The following TDO2 variants were observed in gnomAD, a reference collection of about 807,000 sequenced individuals.
TDO2 encodes the protein tryptophan 2,3-dioxygenase.
TDO2 carries 63 observed loss-of-function variants against 61.2 expected under a neutral mutation model. The ratio of observed to expected loss-of-function variants is 1.03; its 90% confidence interval spans 0.84 to 1.27. The LOEUF (loss-of-function observed/expected upper bound fraction) is 1.27. Among genes scored for constraint, TDO2 ranks in the 50% most tolerant of loss-of-function variants. TDO2 has a pLI of 0.00. For missense variants in TDO2, 494 were observed against 469.5 expected, an observed-to-expected ratio of 1.05 and a Z score of -0.48; for synonymous variants, 183 against 164.0, an observed-to-expected ratio of 1.12 and a Z score of -0.89.
Position 155,917,436 on chromosome 4 carries a change from C to T in TDO2, c.938C>T (p.Ser313Phe), listed in dbSNP as rs772073395. 2 of 1,611,350 alleles carry T rather than the reference C, an allele frequency of 1.2e-6. No homozygotes were observed. The highest frequency in any genetic ancestry group is 1.7e-6 in the Non-Finnish European group (2 of 1,178,992). The part of the protein sequence containing the change: ...RFQVPFQLLT[S>F]LMDIDSLMTK... ...CAGGTGCCTTTTCAGTTGCTGACTT[C>T]TCTTATGGACATAGATTCACTGATG... is the stretch of plus-strand genomic sequence containing the variant. The change falls in exon 10 of 12, where the codon TCT becomes TTT. Residue 313 changes from serine (S) to phenylalanine (F), a missense_variant. Physicochemically the swap from Ser to Phe is radical, Grantham distance 155 (BLOSUM62 -2). Coordinates refer to ENST00000536354, the MANE Select transcript of TDO2 (RefSeq NM_005651.4).
At position 155,908,309 on chromosome 4, in the gene TDO2, C is replaced by T. The variant is rs148417648; in HGVS notation, c.303+517C>T. ...GGAGAGGAGGGAAAGCTTCCAGTGACGGCAGGAGCTTGAGGTGCACTTCTC... is the reference window on the plus strand; with the variant it reads ...GGAGAGGAGGGAAAGCTTCCAGTGATGGCAGGAGCTTGAGGTGCACTTCTC... On this transcript the variant is annotated intron_variant, in intron 4 of 11. Transcript: ENST00000536354. Among the ~76,000 whole-genome samples the T allele has an allele frequency of 6.5e-3, 990 of 152,124 alleles. 10 individuals carry two copies. The highest frequency in any genetic ancestry group is 0.023 in the African/African-American group (942 of 41,504).
rs779576557 is a variant in TDO2, at chr4:155,920,032, T to G, written c.*42T>G. 30 of 1,577,054 alleles carry G rather than the reference T, an allele frequency of 1.9e-5. No individual in the cohort carries two copies. The highest frequency in any genetic ancestry group is 2.4e-5 in the Non-Finnish European group (28 of 1,153,610). On this transcript the variant is annotated 3_prime_UTR_variant, in exon 12 of 12. Coordinates refer to ENST00000536354, the MANE Select transcript of TDO2 (RefSeq NM_005651.4). ...TATGAAGAATACTGGTTTCACAGCC[T>G]ATTTTTTATTTTCTATGGATTTTCA...
intron 5 of TDO2, among the ~76,000 whole-genome samples, chr4:155,909,626 G>A (rs1453191768): frequency 6.6e-6 from 1 of 151,992 alleles, no homozygotes; most frequent in African/African-American, 2.4e-5. Context: ...GATATAATAT[G>A]GGGAGTGGGA....
At chr4:155,904,836 A>G (rs529904872) in intron 2 of TDO2, among the ~76,000 whole-genome samples, 4 of 152,250 alleles carry the variant, frequency 2.6e-5, no homozygotes, top group Admixed American at 1.3e-4. Flanking sequence ...GCTTAATAGG[A>G]TTTATTATGA....
intron 11 of TDO2, among the ~76,000 whole-genome samples, chr4:155,919,386 A>G (rs930348775): frequency 1.3e-4 from 20 of 152,190 alleles, no homozygotes; most frequent in Non-Finnish European, 2.8e-4. Flanking sequence ...GACATTTATT[A>G]TGAGTCTAAG....
chr4:155,906,501 A>C (rs990309787), intron 3 of TDO2: 3 of 152,168 alleles, frequency 2.0e-5, no homozygotes, highest in African/African-American at 7.2e-5. Context: ...AATAGGATGC[A>C]CTGAAGATCT....
intron 2 of TDO2, among the ~76,000 whole-genome samples, chr4:155,904,612 C>G (rs910543272): frequency 1.3e-5 from 2 of 152,086 alleles, no homozygotes; most frequent in African/African-American, 4.8e-5. Context: ...CAAGTTTCAG[C>G]CTGTTTGTCT....
At chr4:155,907,642 A>G in intron 3 of TDO2, 80 bp from the exon 4 acceptor site, 2 of 861,330 alleles carry the variant, frequency 2.3e-6, no homozygotes, top group South Asian at 3.0e-5. Flanking sequence ...CTCTTTCAAC[A>G]TGTTAAACAT....
intron 7 of TDO2, among the ~76,000 whole-genome samples, chr4:155,913,588 T>C (rs561458326): frequency 5.9e-5 from 9 of 152,284 alleles, no homozygotes; most frequent in Non-Finnish European, 8.8e-5. Flanking sequence ...AGATAATTCC[T>C]GTATAATATC....
In TDO2 at chr4:155,904,130, G is replaced by T. The variant is rs889185635; in HGVS notation, c.141+7G>T. The T allele has an allele frequency of 1.9e-6, 3 of 1,600,254 alleles. No individual in the cohort carries two copies. Among genetic ancestry groups the T allele is most frequent in the Non-Finnish European group, 2.6e-6 (3 of 1,168,042 alleles). ...CTATGGGAACTACCTGCATGTAAGT[G>T]GCAGGGTCCTTACAGGGTTTGGTGT... On this transcript the variant is annotated splice_region_variant and intron_variant, in intron 2 of 11. Coordinates refer to ENST00000536354, the MANE Select transcript of TDO2 (RefSeq NM_005651.4).
rs755227439 is a variant in TDO2 at position 155,904,028 on chromosome 4, A to T, written c.46A>T (p.Lys16Ter). 2 of 1,613,734 alleles carry T rather than the reference A, an allele frequency of 1.2e-6. No homozygotes were observed. Among genetic ancestry groups the T allele is most frequent in the African/African-American group, 1.3e-5 (1 of 75,034 alleles). Reference protein sequence around the residue: ...FLGNNFGYTFKKLPVEGSEED... With the variant: ...FLGNNFGYTF ...TTATTAAATTTGCAGATATACTTTTAAAAAACTCCCCGTAGAAGGCAGCGA... is the reference window on the plus strand; with the variant it reads ...TTATTAAATTTGCAGATATACTTTTTAAAAACTCCCCGTAGAAGGCAGCGA... The change falls in exon 2 of 12, where the codon AAA becomes TAA. Residue 16 changes from lysine to a stop codon, truncating the protein, a stop_gained. Transcript: ENST00000536354. LOFTEE classifies it high-confidence loss of function.
At chr4:155,909,505 G>A (rs1382037723) in intron 5 of TDO2, among the ~76,000 whole-genome samples, 2 of 152,148 alleles carry the variant, frequency 1.3e-5, no homozygotes, top group Admixed American at 6.5e-5. Context: ...TCCATTGGGT[G>A]TAGGATGTAA....
Position 155,911,570 on chromosome 4 carries a change from C to G in TDO2, c.692C>G (p.Thr231Ser), listed in dbSNP as rs1742830618. The change falls in exon 7 of 12, where the codon ACC becomes AGC. Residue 231 changes from threonine to serine, a missense_variant. Coordinates refer to ENST00000536354, the MANE Select transcript of TDO2 (RefSeq NM_005651.4). ...TGGGGAAAGCTTGAAAAAAATATCA[C>G]CAGAGGCCTGGAAGAGGAATTCATA... ...NFWGKLEKNI[T>S]RGLEEEFIRI... 3.2e-6 allele frequency: 5 copies of G among 1,582,492 alleles called. No homozygotes were observed. Among genetic ancestry groups the G allele is most frequent in the Non-Finnish European group, 4.3e-6 (5 of 1,161,522 alleles).
At chr4:155,907,637 T>G (rs1742741243) in intron 3 of TDO2, 85 bp from the exon 4 acceptor site, 7 of 833,678 alleles carry the variant, frequency 8.4e-6, no homozygotes, top group Non-Finnish European at 1.4e-5. Flanking sequence ...AATTTCTCTT[T>G]CAACATGTTA....
chr4:155,906,801 A>G (rs1351486408), intron 3 of TDO2: 1 of 152,158 alleles, frequency 6.6e-6, no homozygotes, highest in African/African-American at 2.4e-5. Flanking sequence ...AAGGTTTTGA[A>G]TCATAGGTTT....
intron 8 of TDO2, among the ~76,000 whole-genome samples, chr4:155,915,462 A>G (rs867049588): frequency 4.6e-5 from 7 of 152,310 alleles, no homozygotes; most frequent in South Asian, 2.1e-4. Context: ...AACTAATGTC[A>G]AGTGAATTAA....
chr4:155,918,749 C>T (rs1436172364), intron 11 of TDO2: 2 of 153,518 alleles, frequency 1.3e-5, no homozygotes, highest in African/African-American at 4.8e-5. Context: ...TTAAAATATG[C>T]TAGAGAGGTT....
chr4:155,903,728 C>A lies in TDO2; in HGVS notation c.-31C>A, dbSNP rs577930501. ...TGATAGCATCTGCCTAGAGTCAAACCTCCGTGCTTCTCAGACAGTGCCTTT... is the reference window on the plus strand; with the variant it reads ...TGATAGCATCTGCCTAGAGTCAAACATCCGTGCTTCTCAGACAGTGCCTTT... On this transcript the variant is annotated 5_prime_UTR_variant, in exon 1 of 12. Transcript: ENST00000536354. 6.2e-7 allele frequency: 1 copy of A among 1,614,080 alleles called. No individual in the cohort carries two copies. Among genetic ancestry groups the A allele is most frequent in the Non-Finnish European group, 8.5e-7 (1 of 1,179,954 alleles).
intron 6 of TDO2, 98 bp downstream of exon 6, chr4:155,910,309 T>A: frequency 3.6e-6 from 3 of 830,716 alleles, no homozygotes; most frequent in Admixed American, 3.3e-5. Flanking sequence ...GAAACTGAGT[T>A]ACATTCAGTG....
Sources: gnomAD v4.1 joint callset for allele counts (sites outside exome capture counted in the v4.1 genomes callset) on GRCh38, gnomAD v4.1.1 for gene constraint, MANE v1.5 for transcripts, NCBI Gene and HGNC (gene_info 2026-07-23, HGNC 2026-07-21) for gene names.